The following ZFHX3 variants were observed in gnomAD, a reference collection of about 807,000 sequenced individuals.
ZFHX3 encodes the protein zinc finger homeobox protein 3.
ZFHX3 carries 42 observed loss-of-function variants against 279.1 expected under a neutral mutation model. That is an observed-to-expected ratio of 0.15 (90% confidence interval 0.12 to 0.19). ZFHX3 has a LOEUF of 0.19. Among genes scored for constraint, ZFHX3 ranks in the 10% least tolerant of loss-of-function variants. The probability of loss-of-function intolerance (pLI) is 1.00; values close to 1 mark genes in which losing one functional copy is unlikely to be tolerated. For missense variants in ZFHX3, 4,981 were observed against 4,754.0 expected (o/e 1.05, Z -1.40); for synonymous variants, 2,293 against 1,957.8 (o/e 1.17, Z -4.52).
intron 4 of ZFHX3, among the ~76,000 whole-genome samples, chr16:72,854,827 G>A (rs1241002194): frequency 6.6e-6 from 1 of 151,070 alleles, no homozygotes; most frequent in Non-Finnish European, 1.5e-5. Context: ...ACACTTAGCT[G>A]GGTACCTCCC....
intron 1 of ZFHX3, among the ~76,000 whole-genome samples, chr16:73,043,102 T>C (rs1597128469): frequency 2.0e-5 from 3 of 152,148 alleles, no homozygotes; most frequent in Middle Eastern, 3.4e-3. Context: ...GCTTTAGACC[T>C]GACTCCAGGG....
At chr16:73,258,233 G>T (rs547733604) in intron 4 of ZFHX3, among the ~76,000 whole-genome samples, 2 of 151,856 alleles carry the variant, frequency 1.3e-5, no homozygotes, top group African/African-American at 4.8e-5. Context: ...AGATGTTAAG[G>T]GAATCATCCA....
intron 1 of ZFHX3, among the ~76,000 whole-genome samples, chr16:73,687,042 A>ATATATATATATATAT (rs2053094983): frequency 1.2e-5 from 1 of 81,460 alleles, no homozygotes; most frequent in African/African-American, 4.9e-5. Flanking sequence ...ATATATATAT[A>ATATATATATATATAT]TATATATATA....
At chr16:73,791,240 C>T (rs534784886) in intron 1 of ZFHX3, among the ~76,000 whole-genome samples, 53 of 152,220 alleles carry the variant, frequency 3.5e-4, no homozygotes, top group African/African-American at 1.2e-3. Context: ...GCTGGGATTA[C>T]AGGCATGAGC....
chr16:73,311,711 C>A (rs2015332443), intron 4 of ZFHX3, among the ~76,000 whole-genome samples: 1 of 151,494 alleles, frequency 6.6e-6, no homozygotes, highest in Non-Finnish European at 1.5e-5. Context: ...ATACGATAAG[C>A]ATGAATTAAT....
intron 5 of ZFHX3, among the ~76,000 whole-genome samples, chr16:73,198,072 G>T (rs1332534416): frequency 6.6e-6 from 1 of 151,536 alleles, no homozygotes; most frequent in Non-Finnish European, 1.5e-5. Context: ...TGAGTAGCTG[G>T]GACTACAGGC....
At chr16:73,036,550 T>C (rs1567644476) in intron 1 of ZFHX3, among the ~76,000 whole-genome samples, 2 of 151,790 alleles carry the variant, frequency 1.3e-5, no homozygotes, top group African/African-American at 2.4e-5. Flanking sequence ...CCTGCTCAGC[T>C]TCTAAAGAGG....
At chr16:73,071,488 C>T (rs1438571591) in intron 8 of ZFHX3, among the ~76,000 whole-genome samples, 4 of 150,496 alleles carry the variant, frequency 2.7e-5, no homozygotes, top group Non-Finnish European at 4.4e-5. Flanking sequence ...CCGCCGCCGC[C>T]GCCGCCGCCG....
At chr16:73,272,097 C>T (rs1457327051) in intron 4 of ZFHX3, among the ~76,000 whole-genome samples, 1 of 152,168 alleles carries the variant, frequency 6.6e-6, no homozygotes, top group Non-Finnish European at 1.5e-5. Flanking sequence ...AAGTTTTCAT[C>T]CGTCTGAAGC....
intron 1 of ZFHX3, among the ~76,000 whole-genome samples, chr16:73,814,862 C>T (rs1351627456): frequency 6.6e-6 from 1 of 152,150 alleles, no homozygotes; most frequent in Non-Finnish European, 1.5e-5. Flanking sequence ...GCCTTTCACA[C>T]CCAGCCCACT....
intron 3 of ZFHX3, among the ~76,000 whole-genome samples, chr16:72,917,661 A>C (rs944927661): frequency 1.3e-5 from 2 of 152,244 alleles, no homozygotes; most frequent in Admixed American, 6.5e-5. Flanking sequence ...GTATCATTTC[A>C]ATTCTACGAA....
intron 1 of ZFHX3, among the ~76,000 whole-genome samples, chr16:73,865,745 C>T (rs1961999394): frequency 6.6e-6 from 1 of 151,824 alleles, no homozygotes. Context: ...TTTGAGAGGC[C>T]CAGGCAGGCA....
chr16:72,792,702 G>A (rs1181534539), intron 9 of ZFHX3, among the ~76,000 whole-genome samples: 1 of 152,038 alleles, frequency 6.6e-6, no homozygotes, highest in African/African-American at 2.4e-5. Context: ...TGCCCGCCTC[G>A]GCCTCCCAAA....
chr16:73,301,881 C>T (rs1457845002), intron 4 of ZFHX3, among the ~76,000 whole-genome samples: 2 of 151,906 alleles, frequency 1.3e-5, no homozygotes, highest in Admixed American at 1.3e-4. Context: ...CCTCAAGCCC[C>T]TACCTCTGCA....
intron 3 of ZFHX3, among the ~76,000 whole-genome samples, chr16:73,364,347 T>A (rs1260285609): frequency 6.7e-6 from 1 of 149,376 alleles, no homozygotes; most frequent in Non-Finnish European, 1.5e-5. Context: ...TCAATAATAA[T>A]AGTAATATTA....
intron 3 of ZFHX3, among the ~76,000 whole-genome samples, chr16:73,319,213 A>C (rs2015521257): frequency 6.6e-6 from 1 of 152,132 alleles, no homozygotes; most frequent in African/African-American, 2.4e-5. Context: ...GCTTGGAAGA[A>C]TGATTCTTTA....
intron 3 of ZFHX3, among the ~76,000 whole-genome samples, chr16:73,357,964 C>A (rs900594678): frequency 6.6e-6 from 1 of 152,202 alleles, no homozygotes; most frequent in Non-Finnish European, 1.5e-5. Context: ...GGATCTCTCC[C>A]TGTGAGCCTC....
chr16:72,894,683 C>A (rs1044418478), intron 3 of ZFHX3, among the ~76,000 whole-genome samples: 1 of 152,180 alleles, frequency 6.6e-6, no homozygotes, highest in Non-Finnish European at 1.5e-5. Flanking sequence ...ATTGGGATCA[C>A]AATGTATTTA....
chr16:73,866,169 ATTTTTTTT>A (rs34324522), intron 1 of ZFHX3, among the ~76,000 whole-genome samples: 10,579 of 74,876 alleles, frequency 0.14, 766 homozygotes, highest in South Asian at 0.39. Flanking sequence ...TGCCAGGCTA[ATTTTTTTT>A]TTTTTTTTTT....
Sources: allele counts gnomAD v4.1 joint callset (sites outside exome capture counted in the v4.1 genomes callset), GRCh38; gene constraint gnomAD v4.1.1; transcripts MANE v1.5; gene names NCBI Gene and HGNC (gene_info 2026-07-23, HGNC 2026-07-21).